The following ARHGAP44 variants were observed in gnomAD, a reference collection of about 807,000 sequenced individuals.
ARHGAP44 encodes Rho GTPase activating protein 44.
Under a neutral mutation model 106.8 loss-of-function variants are expected in ARHGAP44, and 43 were observed. The observed-to-expected ratio is 0.40, with a 90% CI of 0.32 to 0.52. The LOEUF (loss-of-function observed/expected upper bound fraction) is 0.52. ARHGAP44 is among the 20% of genes least tolerant of loss of function. The probability of loss-of-function intolerance (pLI) is 0.48; values close to 1 mark genes in which losing one functional copy is unlikely to be tolerated. For missense variants in ARHGAP44, 866 were observed against 1,050.5 expected, an observed-to-expected ratio of 0.82 and a Z score of 2.43; for synonymous variants, 439 against 410.3, an observed-to-expected ratio of 1.07 and a Z score of -0.85.
chr17:12,958,946 G>T lies in ARHGAP44; in HGVS notation c.1523+49G>T, dbSNP rs770199884. 9.0e-6 allele frequency: 14 copies of T among 1,559,428 alleles called. No homozygotes were observed. In the African/African-American group the frequency reaches 1.5e-4, roughly 17 times the overall value. On this transcript the variant is annotated intron_variant, in intron 16 of 20. Coordinates refer to ENST00000379672, the MANE Select transcript of ARHGAP44 (RefSeq NM_014859.6). This position sits in a 1 kb window ranked among gnomAD's most constrained non-coding sequence, Gnocchi z 4.1. ...AGCACTGGGGATTAGGGGAGGTGGT[G>T]GGGGTGGATGGGTGACGCATAAGAA...
At chr17:12,975,940 G>A (rs2039671010) in intron 18 of ARHGAP44, among the ~76,000 whole-genome samples, 1 of 152,054 alleles carries the variant, frequency 6.6e-6, no homozygotes, top group South Asian at 2.1e-4. Flanking sequence ...ACAGTACCTG[G>A]CCCTTCCTTG....
chr17:12,931,736 T>C (rs1268451086), intron 7 of ARHGAP44, among the ~76,000 whole-genome samples: 1 of 151,720 alleles, frequency 6.6e-6, no homozygotes, highest in Non-Finnish European at 1.5e-5. Context: ...CCTGACCTCA[T>C]GATCCACCTG....
At chr17:12,792,473 G>T (rs1310104206) in intron 1 of ARHGAP44, among the ~76,000 whole-genome samples, 1 of 152,178 alleles carries the variant, frequency 6.6e-6, no homozygotes, top group Admixed American at 6.5e-5. Flanking sequence ...CCCAGGGTCC[G>T]TGAGGGTCAG....
intron 1 of ARHGAP44, among the ~76,000 whole-genome samples, chr17:12,865,789 A>AG (rs2036223732): frequency 8.3e-6 from 1 of 120,960 alleles, no homozygotes; most frequent in South Asian, 3.0e-4. Context: ...ACTCATCTCA[A>AG]GAAAAAAAAA....
intron 1 of ARHGAP44, among the ~76,000 whole-genome samples, chr17:12,810,848 C>T (rs1254168825): frequency 2.0e-5 from 3 of 152,056 alleles, no homozygotes; most frequent in Non-Finnish European, 2.9e-5. Flanking sequence ...CTTGTGCAGT[C>T]GAAAATCCAG....
Position 12,849,048 on chromosome 17 carries a change from C to CAAAA in ARHGAP44, c.54-45879_54-45876dup, listed in dbSNP as rs58661356. 7.3e-5 allele frequency among the ~76,000 whole-genome samples: 8 copies of CAAAA among 110,136 alleles called. No homozygotes were observed. The South Asian group carries it at 1.4e-3, about 19-fold the overall frequency. 72.3% of individuals were successfully genotyped at this position (110,136 alleles called of 152,430 possible). A position where few individuals can be genotyped will look rare whatever the true frequency, so the allele number is the denominator to read the frequency against. On this transcript the variant is annotated intron_variant, in intron 1 of 20. Coordinates refer to ENST00000379672, the MANE Select transcript of ARHGAP44 (RefSeq NM_014859.6). ...GGGCAACAAGAGCAAAACTCCATCT[C>CAAAA]AAAAAAAAAAAAAAAAGTTGACTAG...
At chr17:12,817,905 A>T (rs538246599) in intron 1 of ARHGAP44, among the ~76,000 whole-genome samples, 281 of 152,118 alleles carry the variant, frequency 1.8e-3, no homozygotes, top group African/African-American at 6.3e-3. Flanking sequence ...AAACTCTGGG[A>T]CCAGGTATTT....
At chr17:12,944,652 A>ATTT (rs5819393) in intron 10 of ARHGAP44, among the ~76,000 whole-genome samples, 5 of 137,456 alleles carry the variant, frequency 3.6e-5, no homozygotes, top group Admixed American at 1.5e-4. Flanking sequence ...CGCCCAGCTA[A>ATTT]TTTTTTTTTT....
intron 16 of ARHGAP44, among the ~76,000 whole-genome samples, chr17:12,969,948 A>G (rs1216194164): frequency 6.6e-6 from 1 of 152,208 alleles, no homozygotes; most frequent in African/African-American, 2.4e-5. Flanking sequence ...TCTAGAACCT[A>G]TTCCATGATA....
intron 1 of ARHGAP44, among the ~76,000 whole-genome samples, chr17:12,880,248 TAAG>T (rs1480316364): frequency 6.6e-6 from 1 of 152,128 alleles, no homozygotes; most frequent in Non-Finnish European, 1.5e-5. Flanking sequence ...GAAACAATGT[TAAG>T]AAGAAAGCTA....
In ARHGAP44 at chr17:12,949,622, C is replaced by A; in HGVS notation, c.974-27C>A. Reference sequence around the variant, plus strand: ...TTGCCTCTGCCACATCATAACAGTTCACAACCAATATTTCATTCATGCCTA... The same window carrying A: ...TTGCCTCTGCCACATCATAACAGTTAACAACCAATATTTCATTCATGCCTA... On this transcript the variant is annotated intron_variant, in intron 11 of 20. Coordinates refer to ENST00000379672, the MANE Select transcript of ARHGAP44 (RefSeq NM_014859.6). The surrounding 1 kb of genome is among the most constrained non-coding windows in gnomAD (Gnocchi z 4.1). 6.2e-7 allele frequency: 1 copy of A among 1,609,860 alleles called. No homozygotes were observed. Among genetic ancestry groups the A allele is most frequent in the Non-Finnish European group, 8.5e-7 (1 of 1,176,628 alleles).
chr17:12,987,985 C>T (rs1205326452), intron 20 of ARHGAP44: 3 of 152,318 alleles, frequency 2.0e-5, no homozygotes, highest in African/African-American at 4.8e-5. Flanking sequence ...GTCTTCTCCC[C>T]GATTTGGCCC....
rs201124311 is a variant in ARHGAP44 at position 12,807,894 on chromosome 17, G to A, written c.53+18003G>A. Among the ~76,000 whole-genome samples, 6 of 152,286 alleles carry A rather than the reference G, an allele frequency of 3.9e-5. No homozygotes were observed. The East Asian group carries it at 9.6e-4, about 24-fold the overall frequency. On this transcript the variant is annotated intron_variant, in intron 1 of 20. Coordinates refer to ENST00000379672, the MANE Select transcript of ARHGAP44 (RefSeq NM_014859.6). ...CAAGGCAAGTCTCTTCTGCCTATGAGCCTGTAAAACCAAAATCAAGTTAGT... is the reference window on the plus strand; with the variant it reads ...CAAGGCAAGTCTCTTCTGCCTATGAACCTGTAAAACCAAAATCAAGTTAGT...
chr17:12,863,833 C>T (rs73292127), intron 1 of ARHGAP44, among the ~76,000 whole-genome samples: 2,047 of 152,274 alleles, frequency 0.013, 44 homozygotes, highest in African/African-American at 0.045. Context: ...GGACAGGGCT[C>T]AGAGAACAAC....
chr17:12,848,611 C>T (rs1195624132), intron 1 of ARHGAP44, among the ~76,000 whole-genome samples: 3 of 151,200 alleles, frequency 2.0e-5, no homozygotes, highest in Non-Finnish European at 4.4e-5. Flanking sequence ...AATTTTATAG[C>T]CCTCTGCCAG....
chr17:12,878,453 A>C (rs542038247), intron 1 of ARHGAP44, among the ~76,000 whole-genome samples: 35 of 152,136 alleles, frequency 2.3e-4, no homozygotes, highest in African/African-American at 8.0e-4. Context: ...AAAGTTTAAA[A>C]AGATATGACT....
chr17:12,826,615 A>G (rs571188974), intron 1 of ARHGAP44, among the ~76,000 whole-genome samples: 18 of 152,240 alleles, frequency 1.2e-4, no homozygotes, highest in Admixed American at 2.6e-4. Context: ...TTCTAAAACC[A>G]AACTTCTCAT....
At chr17:12,879,956 A>G (rs1317777995) in intron 1 of ARHGAP44, among the ~76,000 whole-genome samples, 1 of 152,028 alleles carries the variant, frequency 6.6e-6, no homozygotes, top group Non-Finnish European at 1.5e-5. Context: ...AATCATAAGG[A>G]AGAGAAAATA....
At chr17:12,845,104 C>T (rs1432829007) in intron 1 of ARHGAP44, among the ~76,000 whole-genome samples, 1 of 152,126 alleles carries the variant, frequency 6.6e-6, no homozygotes, top group Non-Finnish European at 1.5e-5. Context: ...TCCTGAACAC[C>T]CTCCTATTCC....
Sources: allele counts gnomAD v4.1 joint callset (sites outside exome capture counted in the v4.1 genomes callset), GRCh38; gene constraint gnomAD v4.1.1; non-coding constraint Gnocchi (gnomAD v3.1); transcripts MANE v1.5; gene names NCBI Gene and HGNC (gene_info 2026-07-23, HGNC 2026-07-21).